FIRRM: variants seen among roughly 807,000 people sequenced by gnomAD.
The protein encoded by FIRRM is FIGNL1 interacting regulator of recombination and mitosis, also known as FIGNL1-interacting regulator of recombination and mitosis.
the FIRRM span, chr1:169,852,842 C>T: frequency 6.2e-7 from 1 of 1,614,132 alleles, no homozygotes; most frequent in East Asian, 2.2e-5. Context: ...GAGTACAGGT[C>T]AGCGCTGCAT....
the FIRRM span, chr1:169,792,855 C>T: frequency 6.2e-6 from 10 of 1,613,944 alleles, no homozygotes; most frequent in Non-Finnish European, 8.5e-6. Context: ...AAAAGTTTTT[C>T]ACTACTTAGT....
At chr1:169,799,767 GTC>G in the FIRRM span, among the ~76,000 whole-genome samples, 1 of 152,124 alleles carries the variant, frequency 6.6e-6, no homozygotes, top group African/African-American at 2.4e-5. Context: ...GGCCAGGCTG[GTC>G]TCAAAACTCC....
At chr1:169,837,084 G>A in the FIRRM span, 1 of 1,591,054 alleles carries the variant, frequency 6.3e-7, no homozygotes, top group Non-Finnish European at 8.5e-7. Context: ...CTGAGCAGGA[G>A]TCGTACTTTG....
At chr1:169,795,780 T>G in the FIRRM span, 2 of 985,202 alleles carry the variant, frequency 2.0e-6, no homozygotes, top group Non-Finnish European at 2.4e-6. Flanking sequence ...AGACCTCTTT[T>G]TCTTCTTTCT....
At chr1:169,847,903 C>A in the FIRRM span, 1 of 724,582 alleles carries the variant, frequency 1.4e-6, no homozygotes, top group East Asian at 2.7e-5. Context: ...TTTGCAATTA[C>A]TGACAAAGTT....
chr1:169,848,930 G>A, the FIRRM span, among the ~76,000 whole-genome samples: 7 of 152,308 alleles, frequency 4.6e-5, no homozygotes, highest in African/African-American at 1.7e-4. Context: ...TATCCATTCG[G>A]GAAAGATTAC....
the FIRRM span, chr1:169,821,867 T>G: frequency 3.1e-6 from 2 of 644,728 alleles, no homozygotes; most frequent in African/African-American, 3.8e-5. Flanking sequence ...GCATATAACT[T>G]GATCAAGTCA....
At chr1:169,832,443 T>G in the FIRRM span, 3 of 1,613,564 alleles carry the variant, frequency 1.9e-6, no homozygotes, top group African/African-American at 2.7e-5. Context: ...GAGAATGTTA[T>G]CAACTCATCA....
At chr1:169,801,090 A>G in the FIRRM span, 7 of 557,718 alleles carry the variant, frequency 1.3e-5, no homozygotes, top group Admixed American at 7.3e-5. Context: ...AATAAAAATA[A>G]GGAGTAAGTA....
the FIRRM span, chr1:169,832,462 A>G: frequency 4.3e-6 from 7 of 1,613,848 alleles, no homozygotes; most frequent in Middle Eastern, 3.3e-4. Context: ...CAACCTATCA[A>G]TACTGTTGAA....
chr1:169,812,948 G>T, the FIRRM span, among the ~76,000 whole-genome samples: 1 of 151,928 alleles, frequency 6.6e-6, no homozygotes, highest in Non-Finnish European at 1.5e-5. Flanking sequence ...TTTTAATAAG[G>T]GTCAAAATGA....
chr1:169,836,048 A>G, the FIRRM span, among the ~76,000 whole-genome samples: 1 of 106,938 alleles, frequency 9.4e-6, no homozygotes, highest in African/African-American at 3.9e-5. Flanking sequence ...TCTCTGTCAG[A>G]TTTAATTTTT....
chr1:169,846,600 C>T, the FIRRM span, among the ~76,000 whole-genome samples: 4 of 152,232 alleles, frequency 2.6e-5, no homozygotes, highest in East Asian at 1.9e-4. Flanking sequence ...TTTTGTGTTA[C>T]GGAGATTGCT....
the FIRRM span, chr1:169,842,493 T>G: frequency 1.9e-6 from 3 of 1,613,998 alleles, no homozygotes; most frequent in African/African-American, 4.0e-5. Flanking sequence ...CAAACTGCAA[T>G]TATCGAAGTT....
At chr1:169,836,899 CTCT>C in the FIRRM span, 2 of 1,571,914 alleles carry the variant, frequency 1.3e-6, no homozygotes, top group Non-Finnish European at 1.7e-6. Flanking sequence ...TCTCATGTTA[CTCT>C]TCTTTCTTTA....
chr1:169,830,643 T>A, the FIRRM span: 1 of 1,529,238 alleles, frequency 6.5e-7, no homozygotes, highest in Non-Finnish European at 9.1e-7. Context: ...GTTCATCTCC[T>A]TATGTTTCTG....
the FIRRM span, among the ~76,000 whole-genome samples, chr1:169,791,213 A>T: frequency 1.3e-5 from 2 of 152,230 alleles, no homozygotes; most frequent in African/African-American, 4.8e-5. Context: ...AGGTATAAGC[A>T]TCTGGCTGCT....
the FIRRM span, chr1:169,852,214 C>G: frequency 9.4e-6 from 4 of 427,544 alleles, no homozygotes; most frequent in Admixed American, 1.2e-4. Flanking sequence ...GCAGTCTTTA[C>G]TGAACCACAG....
At chr1:169,848,631 A>G in the FIRRM span, among the ~76,000 whole-genome samples, 1 of 152,234 alleles carries the variant, frequency 6.6e-6, no homozygotes, top group African/African-American at 2.4e-5. Flanking sequence ...TTCATGAGAT[A>G]AGCATAGAAT....
Sources: gnomAD v4.1 joint callset for allele counts (sites outside exome capture counted in the v4.1 genomes callset) on GRCh38, gnomAD v4.1.1 for gene constraint, MANE v1.5 for transcripts, NCBI Gene and HGNC (gene_info 2026-07-23, HGNC 2026-07-21) for gene names.